GLMN: variants seen among roughly 807,000 people sequenced by gnomAD.
GLMN encodes the protein glomulin, FKBP associated protein.
A neutral mutation model predicts 87.8 loss-of-function variants in GLMN; 75 were observed. That is an observed-to-expected ratio of 0.85 (90% confidence interval 0.71 to 1.04). The LOEUF (loss-of-function observed/expected upper bound fraction) is 1.04, where lower values mean the gene tolerates loss of function less well. Among genes scored for constraint, GLMN ranks in the 50% least tolerant of loss-of-function variants. The pLI, the probability that GLMN is intolerant of heterozygous loss-of-function variation, is 0.00. For missense variants in GLMN, 588 were observed against 658.8 expected, an observed-to-expected ratio of 0.89 and a Z score of 1.18; for synonymous variants, 206 against 221.6, an observed-to-expected ratio of 0.93 and a Z score of 0.63.
At chr1:92,336,441 T>C in the GLMN span, 1 of 1,506,256 alleles carries the variant, frequency 6.6e-7, no homozygotes, top group East Asian at 2.3e-5. Flanking sequence ...AGTGTTTATA[T>C]TACAATTATC....
chr1:92,354,970 C>T, the GLMN span, among the ~76,000 whole-genome samples: 1 of 151,402 alleles, frequency 6.6e-6, no homozygotes, highest in African/African-American at 2.4e-5. Flanking sequence ...ACGATCTCAG[C>T]TCATTGCAAT....
intron 16 of GLMN, among the ~76,000 whole-genome samples, chr1:92,257,588 C>A (rs937953651): frequency 3.3e-5 from 5 of 151,974 alleles, no homozygotes; most frequent in South Asian, 2.1e-4. Flanking sequence ...TCAGAAATAA[C>A]GCCACACATC....
chr1:92,266,347 A>G, intron 13 of GLMN, 72 bp downstream of exon 13: 1 of 834,228 alleles, frequency 1.2e-6, no homozygotes, highest in East Asian at 2.4e-5. Context: ...CTATGCCCTA[A>G]AACAATTACA....
At chr1:92,321,414 C>A in the GLMN span, among the ~76,000 whole-genome samples, 1 of 152,170 alleles carries the variant, frequency 6.6e-6, no homozygotes, top group South Asian at 2.1e-4. Context: ...ACTAAACTAA[C>A]TTTTCATCTT....
intron 13 of GLMN, 70 bp from the exon 14 acceptor site, chr1:92,264,708 T>A: frequency 1.1e-6 from 1 of 881,898 alleles, no homozygotes; most frequent in Non-Finnish European, 1.9e-6. Flanking sequence ...TGATAAAAGT[T>A]TTACAAATTC....
the GLMN span, among the ~76,000 whole-genome samples, chr1:92,311,257 G>A: frequency 3.3e-5 from 5 of 152,150 alleles, no homozygotes; most frequent in South Asian, 2.1e-4. Context: ...TTCAACTTCC[G>A]AGTTCCCTTT....
At chr1:92,322,486 G>A in the GLMN span, among the ~76,000 whole-genome samples, 4 of 151,874 alleles carry the variant, frequency 2.6e-5, no homozygotes, top group African/African-American at 9.7e-5. Context: ...AGAGGTTGCA[G>A]TGAACCGAGA....
At chr1:92,254,615 T>TA (rs919950581) in intron 16 of GLMN, among the ~76,000 whole-genome samples, 6 of 150,352 alleles carry the variant, frequency 4.0e-5, no homozygotes, top group African/African-American at 7.3e-5. Flanking sequence ...GCCAATATCT[T>TA]AAAAAAAAGA....
At chr1:92,305,225 A>C in the GLMN span, among the ~76,000 whole-genome samples, 1 of 151,906 alleles carries the variant, frequency 6.6e-6, no homozygotes, top group Non-Finnish European at 1.5e-5. Context: ...GAGGTCAGGA[A>C]ATCGAGACCA....
chr1:92,334,213 C>T, the GLMN span, among the ~76,000 whole-genome samples: 1 of 152,060 alleles, frequency 6.6e-6, no homozygotes, highest in African/African-American at 2.4e-5. Context: ...TCACATTAAC[C>T]AAGGCATAAA....
intron 7 of GLMN, among the ~76,000 whole-genome samples, chr1:92,286,036 C>T (rs567394405): frequency 6.6e-6 from 1 of 151,910 alleles, no homozygotes; most frequent in South Asian, 2.1e-4. Flanking sequence ...GGTTACTTAT[C>T]ATAGACTTAA....
chr1:92,307,849 A>G, the GLMN span, among the ~76,000 whole-genome samples: 1 of 152,118 alleles, frequency 6.6e-6, no homozygotes, highest in African/African-American at 2.4e-5. Flanking sequence ...TTGAGGGTGA[A>G]ATGGCATGAT....
At chr1:92,298,784 A>C (rs1355007303) in intron 1 of GLMN, 141 bp downstream of exon 1, 1 of 326,552 alleles carries the variant, frequency 3.1e-6, no homozygotes, top group East Asian at 4.5e-5. Flanking sequence ...AGAGGAAGCC[A>C]TGTCTTCCGA....
the GLMN span, chr1:92,304,212 A>T: frequency 5.9e-6 from 7 of 1,184,304 alleles, no homozygotes; most frequent in African/African-American, 9.2e-5. Flanking sequence ...TATGTAGATG[A>T]CTTAATCTTG....
In GLMN at chr1:92,267,936, T is replaced by A. The variant is rs142899415; in HGVS notation, c.1075A>T (p.Lys359Ter). The change falls in exon 11 of 19, where the codon AAG (lysine) becomes TAG (stop). Residue 359 changes from lysine to a stop codon, truncating the protein, a stop_gained. Transcript: ENST00000370360. LOFTEE classifies it high-confidence loss of function. ...NSLLYQYLEI[K>*]SFLTVPQGLV... The stretch of plus-strand genomic sequence containing the variant: ...ACCTGAGGTACAGTAAGAAAACTCT[T>A]GATTTCTAAGTACTGGTAAAGTAGA... The A allele has an allele frequency of 6.6e-7, 1 of 1,508,270 alleles. No homozygotes were observed. Among genetic ancestry groups the A allele is most frequent in the African/African-American group, 1.4e-5 (1 of 73,100 alleles). 93.4% of individuals were successfully genotyped at this position (1,508,270 alleles called of 1,614,324 possible). A position where few individuals can be genotyped will look rare whatever the true frequency, so the allele number is the denominator to read the frequency against.
chr1:92,333,240 T>C, the GLMN span: 1 of 600,812 alleles, frequency 1.7e-6, no homozygotes, highest in Non-Finnish European at 2.9e-6. Context: ...ACTGAGTTGA[T>C]ACTCAAATTT....
chr1:92,297,115 CTTTTTTTT>C (rs1034040272), intron 3 of GLMN, among the ~76,000 whole-genome samples: 3 of 118,324 alleles, frequency 2.5e-5, no homozygotes, highest in Non-Finnish European at 5.5e-5. Context: ...TGTTTCTTTT[CTTTTTTTT>C]TTTTTTTTTT....
chr1:92,309,562 CACATACACATAT>C, the GLMN span, among the ~76,000 whole-genome samples: 14 of 20,110 alleles, frequency 7.0e-4, no homozygotes, highest in East Asian at 0.04. Context: ...CATACACATA[CACATACACATAT>C]ACATATACAT....
chr1:92,352,363 C>T, the GLMN span, among the ~76,000 whole-genome samples: 58 of 152,316 alleles, frequency 3.8e-4, no homozygotes, highest in African/African-American at 1.3e-3. Flanking sequence ...AACCATCATA[C>T]AGATAGATAC....
Sources: gnomAD v4.1 joint callset for allele counts (sites outside exome capture counted in the v4.1 genomes callset) on GRCh38, gnomAD v4.1.1 for gene constraint, MANE v1.5 for transcripts, NCBI Gene and HGNC (gene_info 2026-07-23, HGNC 2026-07-21) for gene names.